Variants in STK11IP observed in about 807,000 individuals in gnomAD.
STK11IP encodes the protein serine/threonine kinase 11 interacting protein, also known as serine/threonine-protein kinase 11-interacting protein.
In STK11IP, 103 loss-of-function variants were observed where a neutral mutation model predicts 131.7. The ratio of observed to expected loss-of-function variants is 0.78; its 90% CI spans 0.67 to 0.92. The LOEUF is 0.92. Among genes scored for constraint, STK11IP ranks in the 40% least tolerant of loss-of-function variants. The pLI, the probability that STK11IP is intolerant of heterozygous loss-of-function variation, is 0.00. For synonymous variants in STK11IP, 557 were observed against 575.6 expected (o/e 0.97, Z 0.46); for missense variants, 1,315 against 1,385.7 (o/e 0.95, Z 0.81).
intron 7 of STK11IP, among the ~76,000 whole-genome samples, chr2:219,603,875 A>C (rs1284422320): frequency 6.6e-6 from 1 of 152,152 alleles, no homozygotes; most frequent in African/African-American, 2.4e-5. Context: ...AAGAGGGTGC[A>C]ACCTGAACTG....
intron 23 of STK11IP, 65 bp downstream of exon 23, chr2:219,614,611 C>A: frequency 6.6e-7 from 1 of 1,505,712 alleles, no homozygotes; most frequent in Non-Finnish European, 9.2e-7. Context: ...AGGCACTGGC[C>A]CACGCGCAGC....
chr2:219,609,525 C>A lies in STK11IP; in HGVS notation c.2089C>A (p.Leu697Met). 1 of 1,570,398 alleles carries A rather than the reference C, an allele frequency of 6.4e-7. No homozygotes were observed. The highest frequency in any genetic ancestry group is 8.6e-7 in the Non-Finnish European group (1 of 1,157,062). Residue 697 changes from leucine to methionine, a missense_variant, in exon 17 of 25, where the codon CTG becomes ATG. Transcript: ENST00000456909. ...GLDSEEGWRP[L>M]FQKTESPAVC... ...AGACAGTGAGGAAGGCTGGAGGCCT[C>A]TGTTCCAAAAGACAGGTACAAGTCC...
chr2:219,608,178 T>G lies in STK11IP; in HGVS notation c.1351T>G (p.Ser451Ala). 6.2e-7 allele frequency: 1 copy of G among 1,613,492 alleles called. No individual in the cohort carries two copies. The highest frequency in any genetic ancestry group is 8.5e-7 in the Non-Finnish European group (1 of 1,179,842). The change falls in exon 14 of 25, where the codon TCT becomes GCT. Residue 451 changes from serine (S) to alanine (A), a missense_variant. Transcript: ENST00000456909. ...CCCTCTGCCGGCCACCCCCACTACT[T>G]CTGCACCCAGTGCACCTCCAGCCAG... ...GNPLPATPTT[S>A]APSAPPASSQ...
intron 2 of STK11IP, among the ~76,000 whole-genome samples, chr2:219,600,482 TC>T (rs1697950741): frequency 6.6e-6 from 1 of 152,228 alleles, no homozygotes; most frequent in Non-Finnish European, 1.5e-5. Context: ...AGGGGACCTT[TC>T]TGTATTATTT....
chr2:219,607,981 G>A (rs564271667), intron 13 of STK11IP, 66 bp from the exon 14 acceptor site: 109 of 1,558,200 alleles, frequency 7.0e-5, no homozygotes, highest in Admixed American at 3.4e-4. Context: ...GAGGAGCACC[G>A]TTGAAGGATT....
At chr2:219,599,630 G>A (rs1274548842) in intron 2 of STK11IP, among the ~76,000 whole-genome samples, 1 of 152,192 alleles carries the variant, frequency 6.6e-6, no homozygotes, top group Non-Finnish European at 1.5e-5. Flanking sequence ...CAGGAGAAGA[G>A]CTTTGTGGCA....
At chr2:219,614,100 G>C in intron 21 of STK11IP, 61 bp from the exon 22 acceptor site, 1 of 1,587,670 alleles carries the variant, frequency 6.3e-7, no homozygotes, top group South Asian at 1.1e-5. Flanking sequence ...ATTGAGAGGT[G>C]GTGAGTTTAG....
chr2:219,612,901 C>T (rs933770386), intron 19 of STK11IP: 13 of 527,572 alleles, frequency 2.5e-5, no homozygotes, highest in African/African-American at 3.9e-5. Flanking sequence ...GGGGGTGAGG[C>T]GACAGGCAGG....
At chr2:219,609,031 G>T in intron 15 of STK11IP, 66 bp from the exon 16 acceptor site, 3 of 1,289,204 alleles carry the variant, frequency 2.3e-6, no homozygotes, top group Non-Finnish European at 3.3e-6. Context: ...CATGCTCTCA[G>T]CATCCCCTCA....
intron 1 of STK11IP, 83 bp from the exon 2 acceptor site, chr2:219,598,011 G>C: frequency 6.3e-7 from 1 of 1,580,384 alleles, no homozygotes; most frequent in Non-Finnish European, 8.6e-7. Flanking sequence ...TTCTCCGCAT[G>C]ACGCCTCGGT....
In STK11IP at chr2:219,606,180, C is replaced by T. The variant is rs764670303; in HGVS notation, c.850-15C>T. On this transcript the variant is annotated splice_polypyrimidine_tract_variant and intron_variant, in intron 9 of 24. Transcript: ENST00000456909. ...GGCCCCAGGCCCTCCTCATTCTCCC[C>T]TTCCTGCCCCTCAGCTCTACCTGGA... 10 of 1,557,060 alleles carry T rather than the reference C, an allele frequency of 6.4e-6. No homozygotes were observed. Among genetic ancestry groups the T allele is most frequent in the Non-Finnish European group, 8.7e-6 (10 of 1,149,820 alleles).
Position 219,609,389 on chromosome 2 carries a change from C to A in STK11IP, c.1953C>A (p.Val651=). 1 of 1,613,842 alleles carries A rather than the reference C, an allele frequency of 6.2e-7. No individual in the cohort carries two copies. ...AGCTGCTTGCCGTGTTGACCCCAGT[C>A]ACCAATGTGGCTCGGGAACAGCTTG... ...VQELLAVLTP[V]TNVAREQLGE... The change falls in exon 17 of 25, where the codon GTC becomes GTA. Residue 651 remains valine (V), a synonymous_variant. Coordinates refer to ENST00000456909, the MANE Select transcript of STK11IP (RefSeq NM_052902.4).
chr2:219,613,077 C>T (rs1291439035), intron 19 of STK11IP, 51 bp from the exon 20 acceptor site: 3 of 1,508,768 alleles, frequency 2.0e-6, no homozygotes, highest in African/African-American at 1.4e-5. Context: ...AGTCTGGCCC[C>T]ACCTCCCCAG....
intron 17 of STK11IP, among the ~76,000 whole-genome samples, chr2:219,609,885 C>T (rs1260720518): frequency 6.6e-6 from 1 of 151,948 alleles, no homozygotes; most frequent in Admixed American, 6.6e-5. Flanking sequence ...TACATAAAAC[C>T]TAATGAGCCC....
In STK11IP at chr2:219,613,759, C is replaced by T. The variant is rs1402179483; in HGVS notation, c.2545C>T (p.Pro849Ser). Residue 849 changes from proline (P) to serine (S), a missense_variant, in exon 21 of 25, where the codon CCA becomes TCA. Physicochemically the swap from Pro to Ser is moderately conservative, Grantham distance 74. Transcript: ENST00000456909. ...TGTCCCCTCTCTCCACAGTGAGCCT[C>T]CAGCTAGCTGGCTGCAGCTGACCCT... ...LKVTGEMREP[P>S]ASWLQLTLAV... 12 of 1,612,270 alleles carry T rather than the reference C, an allele frequency of 7.4e-6. No individual in the cohort carries two copies. Among genetic ancestry groups the T allele is most frequent in the East Asian group, 2.2e-5 (1 of 44,890 alleles).
chr2:219,601,887 TG>T, intron 4 of STK11IP, 100 bp from the exon 5 acceptor site: 1 of 1,283,998 alleles, frequency 7.8e-7, no homozygotes, highest in Non-Finnish European at 1.1e-6. Flanking sequence ...AAATCATAGC[TG>T]GGCTTTGTGG....
At chr2:219,610,990 G>A (rs1698378250) in intron 17 of STK11IP, among the ~76,000 whole-genome samples, 2 of 152,210 alleles carry the variant, frequency 1.3e-5, no homozygotes, top group Non-Finnish European at 2.9e-5. Context: ...GGTAGCGCAT[G>A]CCCATCACGG....
intron 2 of STK11IP, among the ~76,000 whole-genome samples, chr2:219,599,757 G>A (rs1356984069): frequency 1.3e-5 from 2 of 149,236 alleles, no homozygotes; most frequent in Admixed American, 6.6e-5. Flanking sequence ...TTTTTGAGAT[G>A]GAGTCTCGCT....
chr2:219,599,420 T>C (rs1240188487), intron 2 of STK11IP, among the ~76,000 whole-genome samples: 4 of 152,308 alleles, frequency 2.6e-5, no homozygotes, highest in Middle Eastern at 3.4e-3. Context: ...CTTGTATTGA[T>C]AACTTTGCAA....
Sources: gnomAD v4.1 joint callset for allele counts (sites outside exome capture counted in the v4.1 genomes callset) on GRCh38, gnomAD v4.1.1 for gene constraint, MANE v1.5 for transcripts, NCBI Gene and HGNC (gene_info 2026-07-23, HGNC 2026-07-21) for gene names.